The following TRDN variants were observed in gnomAD, a reference collection of about 807,000 sequenced individuals.
TRDN encodes triadin in skeletal muscle.
In TRDN, 161 loss-of-function variants were observed where a neutral mutation model predicts 149.7. The observed-to-expected ratio is 1.08, with a 90% CI of 0.95 to 1.23. TRDN has a LOEUF of 1.23. TRDN is among the 50% of genes most tolerant of loss of function. The pLI is 0.00. For missense variants in TRDN, 896 were observed against 823.5 expected (o/e 1.09, Z -1.08); for synonymous variants, 294 against 250.5 (o/e 1.17, Z -1.64).
chr6:123,336,113 C>A (rs1166007646), intron 22 of TRDN, among the ~76,000 whole-genome samples: 1 of 145,774 alleles, frequency 6.9e-6, no homozygotes, highest in African/African-American at 2.4e-5. Context: ...GCATCTATGC[C>A]AAATAGATTT....
At chr6:123,615,293 C>CT (rs1785026774) in intron 1 of TRDN, among the ~76,000 whole-genome samples, 2 of 152,150 alleles carry the variant, frequency 1.3e-5, no homozygotes, top group Non-Finnish European at 2.9e-5. Flanking sequence ...AATCCTACTA[C>CT]TTGGTATATA....
At chr6:123,598,111 C>T (rs1784118680) in intron 1 of TRDN, among the ~76,000 whole-genome samples, 1 of 152,020 alleles carries the variant, frequency 6.6e-6, no homozygotes. Flanking sequence ...GAAGAGTTTG[C>T]TGGGGACCCT....
intron 7 of TRDN, among the ~76,000 whole-genome samples, chr6:123,510,961 G>T (rs1264259532): frequency 1.3e-5 from 2 of 152,056 alleles, no homozygotes; most frequent in Non-Finnish European, 2.9e-5. Flanking sequence ...TCTTTTTGAT[G>T]CAAGAAAATC....
At chr6:123,591,983 T>C (rs1783809025) in intron 1 of TRDN, among the ~76,000 whole-genome samples, 2 of 152,142 alleles carry the variant, frequency 1.3e-5, no homozygotes, top group Admixed American at 6.5e-5. Flanking sequence ...CTCTTTGATA[T>C]GAAAGGAAAC....
chr6:123,397,965 C>A (rs1379504256), intron 12 of TRDN, among the ~76,000 whole-genome samples: 4 of 152,178 alleles, frequency 2.6e-5, no homozygotes, highest in African/African-American at 4.8e-5. Flanking sequence ...CTGTCTCTTG[C>A]TACTTCATCA....
At chr6:123,322,947 C>CT (rs1016711623) in intron 23 of TRDN, among the ~76,000 whole-genome samples, 13 of 152,012 alleles carry the variant, frequency 8.6e-5, no homozygotes, top group African/African-American at 3.1e-4. Context: ...CCTGTCCCAC[C>CT]TTTTTTCACT....
intron 1 of TRDN, among the ~76,000 whole-genome samples, chr6:123,585,175 G>C (rs2114596425): frequency 6.7e-6 from 1 of 149,984 alleles, no homozygotes; most frequent in Non-Finnish European, 1.5e-5. Context: ...CGCAAAGGAG[G>C]CTTTGGATTG....
intron 2 of TRDN, among the ~76,000 whole-genome samples, chr6:123,560,232 G>T (rs898603532): frequency 3.3e-5 from 5 of 151,952 alleles, no homozygotes; most frequent in African/African-American, 7.3e-5. Flanking sequence ...TTCTCACACC[G>T]GACGCATATA....
intron 12 of TRDN, among the ~76,000 whole-genome samples, chr6:123,414,657 A>G (rs536820434): frequency 2.0e-5 from 3 of 152,252 alleles, no homozygotes; most frequent in Non-Finnish European, 4.4e-5. Flanking sequence ...CTGAGAGTTA[A>G]GTCTTAAAAC....
At chr6:123,285,745 C>G (rs1777781761) in intron 24 of TRDN, among the ~76,000 whole-genome samples, 1 of 152,094 alleles carries the variant, frequency 6.6e-6, no homozygotes, top group Admixed American at 6.6e-5. Context: ...GCAGAGTAAA[C>G]AGACAACCTA....
intron 1 of TRDN, among the ~76,000 whole-genome samples, chr6:123,621,848 G>T (rs990144703): frequency 6.6e-6 from 1 of 152,094 alleles, no homozygotes; most frequent in Non-Finnish European, 1.5e-5. Flanking sequence ...CGACACCAAA[G>T]TGAGAGTCAA....
At chr6:123,500,313 C>T (rs1390563951) in intron 8 of TRDN, among the ~76,000 whole-genome samples, 1 of 151,970 alleles carries the variant, frequency 6.6e-6, no homozygotes, top group Non-Finnish European at 1.5e-5. Flanking sequence ...GTTAGGATGC[C>T]CATTTCCACC....
At chr6:123,505,329 C>T (rs1405910621) in intron 7 of TRDN, among the ~76,000 whole-genome samples, 2 of 149,270 alleles carry the variant, frequency 1.3e-5, no homozygotes, top group East Asian at 4.0e-4. Flanking sequence ...ATGATGATTT[C>T]AGGCTAAGCC....
At chr6:123,322,608 T>A (rs993093396) in intron 23 of TRDN, among the ~76,000 whole-genome samples, 7 of 135,364 alleles carry the variant, frequency 5.2e-5, no homozygotes, top group South Asian at 2.3e-4. Flanking sequence ...GCTCTTTTTT[T>A]AAAATTTATT....
intron 23 of TRDN, among the ~76,000 whole-genome samples, chr6:123,328,848 C>G (rs2114722152): frequency 6.6e-6 from 1 of 152,202 alleles, no homozygotes; most frequent in Non-Finnish European, 1.5e-5. Flanking sequence ...ACGTTATTGC[C>G]TTATGTGATC....
chr6:123,376,788 G>GT (rs1433645494), intron 18 of TRDN, among the ~76,000 whole-genome samples: 1 of 151,950 alleles, frequency 6.6e-6, no homozygotes, highest in Non-Finnish European at 1.5e-5. Context: ...CCTTTGCGTG[G>GT]TTTTTTAAAT....
intron 1 of TRDN, among the ~76,000 whole-genome samples, chr6:123,591,074 T>C (rs925084733): frequency 6.6e-6 from 1 of 152,204 alleles, no homozygotes; most frequent in African/African-American, 2.4e-5. Flanking sequence ...TGGCACTTTC[T>C]TTAGTGACTC....
intron 38 of TRDN, among the ~76,000 whole-genome samples, chr6:123,232,726 G>T (rs547816558): frequency 6.6e-6 from 1 of 151,990 alleles, no homozygotes. Context: ...ATACAAAAGA[G>T]TAAAAAGAGA....
At chr6:123,608,925 C>A (rs1398484995) in intron 1 of TRDN, among the ~76,000 whole-genome samples, 1 of 151,910 alleles carries the variant, frequency 6.6e-6, no homozygotes, top group Non-Finnish European at 1.5e-5. Flanking sequence ...GTAATCTCAG[C>A]ACTTTGGGAA....
Sources: gnomAD v4.1 joint callset for allele counts (sites outside exome capture counted in the v4.1 genomes callset) on GRCh38, gnomAD v4.1.1 for gene constraint, MANE v1.5 for transcripts, NCBI Gene and HGNC (gene_info 2026-07-23, HGNC 2026-07-21) for gene names.